GALNT13: variants seen among roughly 807,000 people sequenced by gnomAD.
GALNT13 encodes UDP-GalNAc:polypeptide N-acetylgalactosaminyltransferase 13.
GALNT13 carries 28 observed loss-of-function variants against 64.2 expected under a neutral mutation model. The ratio of observed to expected loss-of-function variants is 0.44; its 90% CI spans 0.32 to 0.60. The LOEUF is 0.60. GALNT13 is among the 20% of genes least tolerant of loss of function. The pLI is 0.05. For synonymous variants in GALNT13, 214 were observed against 224.6 expected (o/e 0.95, Z 0.42); for missense variants, 577 against 669.8 (o/e 0.86, Z 1.53).
At chr2:153,584,773 A>G in the GALNT13 span, among the ~76,000 whole-genome samples, 1 of 152,190 alleles carries the variant, frequency 6.6e-6, no homozygotes, top group Non-Finnish European at 1.5e-5. Context: ...ACTTCATCAC[A>G]GCTCCTGCCA....
the GALNT13 span, among the ~76,000 whole-genome samples, chr2:153,497,272 A>T: frequency 1.3e-5 from 2 of 152,090 alleles, no homozygotes; most frequent in Non-Finnish European, 2.9e-5. Context: ...AGCACAAATA[A>T]TAAACCACCT....
chr2:153,512,158 G>C, the GALNT13 span, among the ~76,000 whole-genome samples: 1 of 152,132 alleles, frequency 6.6e-6, no homozygotes, highest in East Asian at 1.9e-4. Context: ...AACCCATGGC[G>C]GGGGAAGCAC....
the GALNT13 span, among the ~76,000 whole-genome samples, chr2:153,368,906 T>C: frequency 1.3e-5 from 2 of 150,614 alleles, no homozygotes; most frequent in African/African-American, 2.4e-5. Flanking sequence ...TACACTGAGA[T>C]AAGCCATGTA....
the GALNT13 span, among the ~76,000 whole-genome samples, chr2:153,803,952 C>T: frequency 2.6e-5 from 4 of 152,030 alleles, no homozygotes; most frequent in South Asian, 2.1e-4. Context: ...CCAAAATGAA[C>T]AAATAGAATT....
chr2:153,551,568 A>G, the GALNT13 span, among the ~76,000 whole-genome samples: 2 of 152,176 alleles, frequency 1.3e-5, no homozygotes, highest in African/African-American at 4.8e-5. Flanking sequence ...ACAAATTCTG[A>G]CTATTTTAAA....
At chr2:153,871,748 G>A (rs1189474222), upstream of GALNT13, among the ~76,000 whole-genome samples, 2 of 152,180 alleles carry the variant, frequency 1.3e-5, no homozygotes, top group Non-Finnish European at 2.9e-5. Context: ...GCCCCAGCCC[G>A]GGGAGGAGCG....
the GALNT13 span, among the ~76,000 whole-genome samples, chr2:153,708,368 A>AT: frequency 1.3e-5 from 2 of 152,166 alleles, no homozygotes; most frequent in Non-Finnish European, 1.5e-5. Flanking sequence ...GTGAAAGTTT[A>AT]TGACAGGGTG....
the GALNT13 span, among the ~76,000 whole-genome samples, chr2:153,825,639 T>C: frequency 6.6e-6 from 1 of 151,462 alleles, no homozygotes; most frequent in East Asian, 1.9e-4. Context: ...TGTGTGTGTG[T>C]GTGTGTGTGT....
the GALNT13 span, among the ~76,000 whole-genome samples, chr2:153,809,665 T>A: frequency 3.9e-5 from 6 of 152,174 alleles, no homozygotes; most frequent in Non-Finnish European, 7.4e-5. Flanking sequence ...ATCCGAGGCA[T>A]ATCTTAACAT....
At chr2:153,995,994 A>G (rs573007032) in intron 3 of GALNT13, among the ~76,000 whole-genome samples, 1 of 152,296 alleles carries the variant, frequency 6.6e-6, no homozygotes, top group South Asian at 2.1e-4. Flanking sequence ...TGTTGCCACA[A>G]ATGACAGGAT....
intron 2 of GALNT13, among the ~76,000 whole-genome samples, chr2:153,934,065 A>G (rs1383483239): frequency 6.6e-6 from 1 of 152,086 alleles, no homozygotes; most frequent in African/African-American, 2.4e-5. Flanking sequence ...TGATGACTGC[A>G]TGTCTTGGGG....
chr2:154,244,105 T>G lies in GALNT13; in HGVS notation c.686+1200T>G, dbSNP rs1689644885. On this transcript the variant is annotated intron_variant, in intron 6 of 12. Coordinates refer to ENST00000392825, the MANE Select transcript of GALNT13 (RefSeq NM_052917.4). ...AAATTTTGGTACATTATGTTGTTTT[T>G]TTTTTCCACATGTGTTTCATATTCA... 2.6e-5 allele frequency among the ~76,000 whole-genome samples: 4 copies of G among 152,178 alleles called. No homozygotes were observed. In the South Asian group the frequency reaches 8.3e-4, roughly 31 times the overall value.
chr2:153,072,795 C>G, the GALNT13 span, among the ~76,000 whole-genome samples: 6 of 152,202 alleles, frequency 3.9e-5, no homozygotes, highest in Non-Finnish European at 7.3e-5. Context: ...TCTGTAATAA[C>G]TATTCATCCT....
chr2:153,970,184 A>G (rs1177674415), intron 3 of GALNT13, among the ~76,000 whole-genome samples: 1 of 152,180 alleles, frequency 6.6e-6, no homozygotes, highest in African/African-American at 2.4e-5. Context: ...TTGTAAAGAT[A>G]CTCCAAGCAG....
At chr2:154,187,174 A>G (rs1686298075) in intron 4 of GALNT13, among the ~76,000 whole-genome samples, 1 of 152,082 alleles carries the variant, frequency 6.6e-6, no homozygotes, top group Non-Finnish European at 1.5e-5. Context: ...AGATCTGATA[A>G]AGCTCTTCAA....
At chr2:154,186,282 G>A (rs1686245646) in intron 4 of GALNT13, among the ~76,000 whole-genome samples, 1 of 151,930 alleles carries the variant, frequency 6.6e-6, no homozygotes, top group East Asian at 1.9e-4. Flanking sequence ...ATCCTTTCCA[G>A]TAACAATGTC....
At chr2:154,089,316 A>G (rs766166498) in intron 3 of GALNT13, among the ~76,000 whole-genome samples, 1 of 151,974 alleles carries the variant, frequency 6.6e-6, no homozygotes, top group Non-Finnish European at 1.5e-5. Context: ...CGGTGGAGTG[A>G]TAACATCTGG....
intron 7 of GALNT13, among the ~76,000 whole-genome samples, chr2:154,247,260 A>G (rs2105880812): frequency 6.6e-6 from 1 of 152,084 alleles, no homozygotes; most frequent in South Asian, 2.1e-4. Context: ...ATAATCTTCA[A>G]ATTCACCAAG....
At position 154,450,506 on chromosome 2, in the gene GALNT13, C is replaced by A. The variant is rs1272689032; in HGVS notation, c.1626C>A (p.Ser542Arg). ...MVPTMQDCSG[S>R]RSQQWLLRNM... The stretch of plus-strand genomic sequence containing the variant: ...CTACAATGCAGGACTGTAGTGGAAG[C>A]AGATCCCAACAGTGGCTGCTAAGGA... The change falls in exon 13 of 13, where the codon AGC becomes AGA. Residue 542 changes from serine (S) to arginine (R), a missense_variant. Ser to Arg is a moderately radical substitution (Grantham distance 110). Around this residue, in one of 3 missense-constraint regions of GALNT13, gnomAD observed 232 missense variants for 270.6 expected, o/e 0.86. Coordinates refer to ENST00000392825, the MANE Select transcript of GALNT13 (RefSeq NM_052917.4). 1.2e-6 allele frequency: 2 copies of A among 1,611,988 alleles called. No homozygotes were observed. Among genetic ancestry groups the A allele is most frequent in the Non-Finnish European group, 1.7e-6 (2 of 1,178,912 alleles).
Sources: allele counts gnomAD v4.1 joint callset (sites outside exome capture counted in the v4.1 genomes callset), GRCh38; gene constraint gnomAD v4.1.1; regional missense constraint gnomAD v4.1.1; transcripts MANE v1.5; gene names NCBI Gene and HGNC (gene_info 2026-07-23, HGNC 2026-07-21).